Variants in YIPF6 observed in about 807,000 individuals in gnomAD.
YIPF6 encodes protein YIPF6.
YIPF6 carries 3 observed loss-of-function variants against 16.8 expected under a neutral mutation model. The ratio of observed to expected loss-of-function variants is 0.18; its 90% CI spans 0.08 to 0.46. YIPF6 has a LOEUF of 0.46. YIPF6 is among the 20% of genes least tolerant of loss of function. YIPF6 has a pLI of 0.98. For synonymous variants in YIPF6, 67 were observed against 61.9 expected (o/e 1.08, Z -0.38); for missense variants, 145 against 184.9 (o/e 0.78, Z 1.25).
rs1463694376 is a variant in YIPF6 at position 68,532,719 on chromosome X, C to T, written c.*720C>T. The T allele has an allele frequency of 9.0e-6, 1 of 111,321 alleles. No homozygotes were observed. The highest frequency in any genetic ancestry group is 1.9e-5 in the Non-Finnish European group (1 of 53,104). 9.2% of individuals were successfully genotyped at this position (111,321 alleles called of 1,213,427 possible). On this transcript the variant is annotated 3_prime_UTR_variant, in exon 7 of 7. Coordinates refer to ENST00000462683, the MANE Select transcript of YIPF6 (RefSeq NM_173834.4). ...GGTTGGCACTCTAGTCTTAATCTTG[C>T]TCCTTAACTTTGAATATGCAGTCTA...
chrX:68,521,576 ATTTTT>A, intron 5 of YIPF6, 79 bp downstream of exon 5: 1 of 897,026 alleles, frequency 1.1e-6, no homozygotes, highest in Non-Finnish European at 1.5e-6. Flanking sequence ...GGCTAGCTAG[ATTTTT>A]TTTTTTTTTT....
chrX:68,514,663 C>A (rs1292762449), intron 3 of YIPF6: 2 of 112,634 alleles, frequency 1.8e-5, no homozygotes, highest in Non-Finnish European at 3.7e-5. Context: ...CCTGCCTTGG[C>A]CTCCCAGAGT....
At chrX:68,518,674 A>G in intron 3 of YIPF6, 96 bp from the exon 4 acceptor site, 2 of 1,038,617 alleles carry the variant, frequency 1.9e-6, no homozygotes, top group South Asian at 4.5e-5. Flanking sequence ...CCAGCCAAAG[A>G]GAGCCTTGAT....
At chrX:68,511,401 A>G (rs748895044) in intron 1 of YIPF6, among the ~76,000 whole-genome samples, 6 of 112,060 alleles carry the variant, frequency 5.4e-5, no homozygotes, top group Non-Finnish European at 1.1e-4. Flanking sequence ...ATATTTTGCT[A>G]TTTCCCTGTT....
intron 1 of YIPF6, among the ~76,000 whole-genome samples, chrX:68,505,844 C>T (rs1197586736): frequency 9.0e-6 from 1 of 111,623 alleles, no homozygotes; most frequent in African/African-American, 3.3e-5. Flanking sequence ...TCCCTTCGCC[C>T]AGATTCCTCT....
chrX:68,529,633 G>C (rs1340529630), intron 6 of YIPF6, among the ~76,000 whole-genome samples: 1 of 111,708 alleles, frequency 9.0e-6, no homozygotes, highest in Non-Finnish European at 1.9e-5. Flanking sequence ...GGTCTTTGAT[G>C]TTGGTGACCT....
intron 1 of YIPF6, among the ~76,000 whole-genome samples, chrX:68,508,277 A>AT (rs1044748179): frequency 9.3e-6 from 1 of 106,955 alleles, no homozygotes; most frequent in African/African-American, 3.4e-5. Flanking sequence ...ATTTTTAAAT[A>AT]TTTTTTTGTA....
chrX:68,509,094 G>A (rs1253025066), intron 1 of YIPF6, among the ~76,000 whole-genome samples: 8 of 108,118 alleles, frequency 7.4e-5, no homozygotes, highest in Admixed American at 6.0e-4. Context: ...TGTTGTCCCA[G>A]TGTTTTGTTT....
rs777935133 is a variant in YIPF6, at chrX:68,532,011, G to A, written c.*12G>A. On this transcript the variant is annotated 3_prime_UTR_variant, in exon 7 of 7. Coordinates refer to ENST00000462683, the MANE Select transcript of YIPF6 (RefSeq NM_173834.4). Reference sequence around the variant, plus strand: ...TTACTCCTCAGTAAATCAGGAATGGGAAATTAAAAACCAGTGAATTGAAAG... The same window carrying A: ...TTACTCCTCAGTAAATCAGGAATGGAAAATTAAAAACCAGTGAATTGAAAG... The A allele has an allele frequency of 3.2e-5, 36 of 1,134,084 alleles. 1 individual carries two copies. In the African/African-American group the frequency reaches 6.3e-4, roughly 20 times the overall value. The allele number at this position is 1,134,084 out of a possible 1,213,427, so 93.5% of individuals were successfully genotyped here.
At position 68,536,226 on chromosome X, in the gene YIPF6, T is replaced by A. The variant is rs773375046; in HGVS notation, c.*4227T>A. ...AACCCCAGGTCTGTCAGCAGTCAGT[T>A]CCATTCCCCCTTCATCCCAGCCTCT... On this transcript the variant is annotated 3_prime_UTR_variant, in exon 7 of 7. Transcript: ENST00000462683. 9.0e-6 allele frequency: 1 copy of A among 111,630 alleles called. No individual in the cohort carries two copies. The highest frequency in any genetic ancestry group is 3.3e-5 in the African/African-American group (1 of 30,755). The allele number at this position is 111,630 out of a possible 1,213,427, so 9.2% of individuals were successfully genotyped here.
chrX:68,512,713 G>T (rs776422345), intron 2 of YIPF6, among the ~76,000 whole-genome samples: 2 of 111,149 alleles, frequency 1.8e-5, no homozygotes, highest in African/African-American at 6.5e-5. Flanking sequence ...TATAAATTAT[G>T]TTTACAAAGT....
chrX:68,510,677 A>G (rs1409201461), intron 1 of YIPF6: 14 of 109,368 alleles, frequency 1.3e-4, no homozygotes, highest in Non-Finnish European at 2.7e-4. Context: ...CTTGTTGCCC[A>G]GGCTGGAGTG....
intron 1 of YIPF6, among the ~76,000 whole-genome samples, chrX:68,501,050 A>G (rs1289428455): frequency 8.9e-6 from 1 of 111,770 alleles, no homozygotes; most frequent in Non-Finnish European, 1.9e-5. Flanking sequence ...GGTTCTGATC[A>G]CTCATTACTC....
At chrX:68,505,531 A>G (rs1251588067) in intron 1 of YIPF6, among the ~76,000 whole-genome samples, 2 of 112,493 alleles carry the variant, frequency 1.8e-5, no homozygotes, top group African/African-American at 6.5e-5. Flanking sequence ...GCACAATGTC[A>G]GTAAAGTGGT....
chrX:68,512,235 G>A (rs942851553), intron 2 of YIPF6, among the ~76,000 whole-genome samples: 2 of 111,101 alleles, frequency 1.8e-5, no homozygotes, highest in African/African-American at 6.5e-5. Flanking sequence ...CAAGGCAGGC[G>A]GATCACCTGA....
chrX:68,522,775 C>T lies in YIPF6; in HGVS notation c.450C>T (p.Ser150=). The change falls in exon 6 of 7, where the codon AGC becomes AGT. Residue 150 remains serine (S), a synonymous_variant. Transcript: ENST00000462683. ...TGTTTTTAAGATCTTTTTTTCAGAG[C>T]CTCTGTGTGCTGGGTTACTGTATAC... ...LLGGNISFFQ[S]LCVLGYCILP... The T allele has an allele frequency of 1.7e-6, 2 of 1,194,092 alleles. No homozygotes were observed. Among genetic ancestry groups the T allele is most frequent in the Non-Finnish European group, 1.1e-6 (1 of 890,162 alleles).
intron 3 of YIPF6, among the ~76,000 whole-genome samples, chrX:68,518,469 A>G (rs2079112846): frequency 9.0e-6 from 1 of 111,053 alleles, no homozygotes. Flanking sequence ...GGGGTAGGGA[A>G]CCTAGGTCTG....
At chrX:68,526,599 T>G (rs1380387921) in intron 6 of YIPF6, among the ~76,000 whole-genome samples, 2 of 111,856 alleles carry the variant, frequency 1.8e-5, no homozygotes, top group African/African-American at 6.5e-5. Flanking sequence ...AGTATGATAT[T>G]GGCTATGGGT....
intron 6 of YIPF6, among the ~76,000 whole-genome samples, chrX:68,528,440 G>A (rs1376152431): frequency 9.0e-6 from 1 of 111,574 alleles, no homozygotes; most frequent in Non-Finnish European, 1.9e-5. Flanking sequence ...TATCCAATTT[G>A]CCAGTCTGTG....
Sources: allele counts gnomAD v4.1 joint callset (sites outside exome capture counted in the v4.1 genomes callset), GRCh38; gene constraint gnomAD v4.1.1; transcripts MANE v1.5; gene names NCBI Gene and HGNC (gene_info 2026-07-23, HGNC 2026-07-21).